Variants in ABCC2 observed in about 807,000 individuals in gnomAD.
The protein encoded by ABCC2 is ATP binding cassette subfamily C member 2, also known as ATP-binding cassette sub-family C member 2.
In ABCC2, 157 loss-of-function variants were observed where a neutral mutation model predicts 173.4. The ratio of observed to expected loss-of-function variants is 0.91; its 90% confidence interval spans 0.80 to 1.03. The LOEUF (loss-of-function observed/expected upper bound fraction) is 1.03, where lower values mean the gene tolerates loss of function less well. ABCC2 is among the 50% of genes least tolerant of loss of function. The probability of loss-of-function intolerance (pLI) is 0.00; values close to 1 mark genes in which losing one functional copy is unlikely to be tolerated. For synonymous variants in ABCC2, 657 were observed against 693.5 expected (o/e 0.95, Z 0.83); for missense variants, 1,822 against 1,852.3 (o/e 0.98, Z 0.30).
chr10:99,810,146 A>G lies in ABCC2; in HGVS notation c.1828A>G (p.Thr610Ala), dbSNP rs2038183542. The change falls in exon 14 of 32, where the codon ACA becomes GCA. Residue 610 changes from threonine to alanine, a missense_variant. Physicochemically the swap from Thr to Ala is moderately conservative, Grantham distance 58. Transcript: ENST00000647814. ...TGTCCTTCTCTAGGCCAGTGTTTCC[A>G]CAGAGCGGCTAGAGAAGTACTTGGG... is the stretch of plus-strand genomic sequence containing the variant. ...ISSMLQASVS[T>A]ERLEKYLGGD... 6.2e-7 allele frequency: 1 copy of G among 1,613,544 alleles called. No homozygotes were observed. The highest frequency in any genetic ancestry group is 1.1e-5 in the South Asian group (1 of 91,084).
At chr10:99,817,827 T>C (rs969105995) in intron 17 of ABCC2, among the ~76,000 whole-genome samples, 1 of 152,232 alleles carries the variant, frequency 6.6e-6, no homozygotes, top group Non-Finnish European at 1.5e-5. Context: ...CTGATTCTAC[T>C]TCTGTATCAG....
At chr10:99,836,857 C>G (rs1463931585) in intron 25 of ABCC2, among the ~76,000 whole-genome samples, 1 of 152,150 alleles carries the variant, frequency 6.6e-6, no homozygotes, top group Non-Finnish European at 1.5e-5. Context: ...CCCTGGCAAG[C>G]AGTATGTCCT....
chr10:99,812,303 AC>A (rs1216989813), intron 15 of ABCC2, among the ~76,000 whole-genome samples: 1 of 152,210 alleles, frequency 6.6e-6, no homozygotes, highest in Non-Finnish European at 1.5e-5. Flanking sequence ...CAGAGAGGAA[AC>A]TGGGCAGGGC....
intron 2 of ABCC2, among the ~76,000 whole-genome samples, chr10:99,785,142 G>A (rs151193983): frequency 2.6e-5 from 4 of 152,240 alleles, no homozygotes; most frequent in African/African-American, 4.8e-5. Flanking sequence ...CATCTACCTC[G>A]TGAAAATGAG....
intron 5 of ABCC2, among the ~76,000 whole-genome samples, 165 bp from the exon 6 acceptor site, chr10:99,794,248 T>C (rs1564671261): frequency 6.6e-6 from 1 of 152,222 alleles, no homozygotes. Context: ...ATTCTACTAG[T>C]GGCTTTAGGG....
intron 26 of ABCC2, among the ~76,000 whole-genome samples, chr10:99,843,511 C>G (rs574020031): frequency 6.6e-6 from 1 of 152,328 alleles, no homozygotes; most frequent in Non-Finnish European, 1.5e-5. Context: ...AGCTCTGCTC[C>G]CACTCCACCC....
chr10:99,793,982 A>C lies in ABCC2; in HGVS notation c.559A>C (p.Asn187His). 1 of 1,608,986 alleles carries C rather than the reference A, an allele frequency of 6.2e-7. No homozygotes were observed. ...LILIFSAFSENNESSNNPSSI... is the reference protein window; with the variant it reads ...LILIFSAFSEHNESSNNPSSI... ...CCTGATCTTTTCAGCATTTTCAGAA[A>C]ATAATGAGTCATCAAATGTGAGATT... The change falls in exon 5 of 32, where the codon AAT becomes CAT. Residue 187 changes from asparagine to histidine, a missense_variant. Coordinates refer to ENST00000647814, the MANE Select transcript of ABCC2 (RefSeq NM_000392.5).
intron 2 of ABCC2, among the ~76,000 whole-genome samples, chr10:99,786,451 G>A (rs1455780078): frequency 6.6e-6 from 1 of 152,162 alleles, no homozygotes; most frequent in Admixed American, 6.5e-5. Context: ...ACTTTCTGGA[G>A]CTTCCAAGAA....
intron 16 of ABCC2, among the ~76,000 whole-genome samples, chr10:99,814,241 GCACACACGTATGTATA>G (rs1284571185): frequency 5.0e-5 from 2 of 39,686 alleles, no homozygotes; most frequent in African/African-American, 1.0e-4. Context: ...GTGTATATAT[GCACACACGTATGTATA>G]CACACGTATG....
chr10:99,792,669 T>C (rs938488049), intron 3 of ABCC2, among the ~76,000 whole-genome samples: 3 of 152,224 alleles, frequency 2.0e-5, no homozygotes, highest in Admixed American at 1.3e-4. Context: ...TGTAAAACAA[T>C]ATTTTAAATC....
chr10:99,840,397 G>T (rs2038917293), intron 25 of ABCC2, among the ~76,000 whole-genome samples: 1 of 145,708 alleles, frequency 6.9e-6, no homozygotes, highest in Admixed American at 6.8e-5. Context: ...GGCCACCATG[G>T]CCGGACGGGC....
chr10:99,805,237 G>A, intron 10 of ABCC2, 145 bp from the exon 11 acceptor site: 1 of 692,280 alleles, frequency 1.4e-6, no homozygotes, highest in South Asian at 1.5e-5. Flanking sequence ...GAGGAGAGTG[G>A]AGGGAGGTGA....
intron 26 of ABCC2, 74 bp downstream of exon 26, chr10:99,842,167 G>C: frequency 6.3e-6 from 10 of 1,599,440 alleles, no homozygotes; most frequent in Non-Finnish European, 8.5e-6. Context: ...ATACTGTGGA[G>C]TCTGTGCTCT....
intron 3 of ABCC2, among the ~76,000 whole-genome samples, chr10:99,793,265 T>C (rs1480790455): frequency 2.0e-5 from 3 of 152,200 alleles, no homozygotes; most frequent in Non-Finnish European, 2.9e-5. Flanking sequence ...AAGGTTTTTC[T>C]AGCTCTCAAA....
chr10:99,814,294 T>G lies in ABCC2; in HGVS notation c.2094+1150T>G. Among the ~76,000 whole-genome samples the G allele has an allele frequency of 2.6e-5, 2 of 76,628 alleles. 1 individual carries two copies. Among genetic ancestry groups the G allele is most frequent in the Non-Finnish European group, 5.3e-5 (2 of 37,890 alleles). The allele number at this position is 76,628 out of a possible 152,430, so 50.3% of individuals were successfully genotyped here. On this transcript the variant is annotated intron_variant, in intron 16 of 31. Transcript: ENST00000647814. ...ATACACACGTATGTATACACACACGTATGTATACACACATGTATATACACA... is the reference window on the plus strand; with the variant it reads ...ATACACACGTATGTATACACACACGGATGTATACACACATGTATATACACA...
At position 99,782,778 on chromosome 10, in the gene ABCC2, A is replaced by C; in HGVS notation, c.-67A>C. ...CCTGTTCCACTTTCTTTGATGAAAC[A>C]AGTAAAGAAGAAACAACACAATCAT... On this transcript the variant is annotated 5_prime_UTR_variant, in exon 1 of 32. Coordinates refer to ENST00000647814, the MANE Select transcript of ABCC2 (RefSeq NM_000392.5). The C allele has an allele frequency of 2.6e-6, 4 of 1,549,130 alleles. No individual in the cohort carries two copies. The highest frequency in any genetic ancestry group is 3.6e-6 in the Non-Finnish European group (4 of 1,121,072).
At chr10:99,790,035 A>C (rs547840450) in intron 2 of ABCC2, among the ~76,000 whole-genome samples, 1 of 152,312 alleles carries the variant, frequency 6.6e-6, no homozygotes, top group Admixed American at 6.5e-5. Context: ...TTGGTTTCTA[A>C]TATTTTGCAT....
At chr10:99,788,201 G>A (rs149742885) in intron 2 of ABCC2, among the ~76,000 whole-genome samples, 11 of 152,192 alleles carry the variant, frequency 7.2e-5, no homozygotes, top group African/African-American at 1.7e-4. Context: ...AAACAGCTAC[G>A]TACATATATT....
At chr10:99,795,761 A>T (rs577411276) in intron 6 of ABCC2, among the ~76,000 whole-genome samples, 1,680 of 147,324 alleles carry the variant, frequency 0.011, 59 homozygotes, top group Middle Eastern at 0.041. Context: ...GAAAGAAAGA[A>T]AGAAAGAAAG....
Sources: allele counts gnomAD v4.1 joint callset (sites outside exome capture counted in the v4.1 genomes callset), GRCh38; gene constraint gnomAD v4.1.1; transcripts MANE v1.5; gene names NCBI Gene and HGNC (gene_info 2026-07-23, HGNC 2026-07-21).